ERGIC1: variants seen among roughly 807,000 people sequenced by gnomAD.
The protein encoded by ERGIC1 is endoplasmic reticulum-golgi intermediate compartment 1.
A neutral mutation model predicts 38.3 loss-of-function variants in ERGIC1; 19 were observed. That is an observed-to-expected ratio of 0.50 (90% confidence interval 0.35 to 0.73). The LOEUF is 0.73. Ranked by LOEUF, ERGIC1 falls within the 30% of genes least tolerant of loss-of-function variation. The probability of loss-of-function intolerance (pLI) is 0.01; values close to 1 mark genes in which losing one functional copy is unlikely to be tolerated. For missense variants in ERGIC1, 294 were observed against 389.2 expected, an observed-to-expected ratio of 0.76 and a Z score of 2.06; for synonymous variants, 124 against 157.6, an observed-to-expected ratio of 0.79 and a Z score of 1.60.
intron 7 of ERGIC1, among the ~76,000 whole-genome samples, chr5:172,930,444 G>A (rs908728616): frequency 9.2e-5 from 14 of 151,764 alleles, no homozygotes; most frequent in Admixed American, 3.3e-4. Flanking sequence ...CCGGGTTCAA[G>A]CGATTCTCCT....
chr5:172,931,120 C>T (rs1419495174), intron 7 of ERGIC1: 1 of 152,142 alleles, frequency 6.6e-6, no homozygotes, highest in African/African-American at 2.4e-5. Flanking sequence ...ACTCTGCGAC[C>T]AGGCTTAGAA....
rs142163543 is a variant in ERGIC1, at chr5:172,870,684, A to C, written c.21-18015A>C. 1.4e-3 allele frequency among the ~76,000 whole-genome samples: 210 copies of C among 152,360 alleles called. 1 individual carries two copies. The highest frequency in any genetic ancestry group is 6.8e-3 in the Middle Eastern group (2 of 294). On this transcript the variant is annotated intron_variant, in intron 1 of 9. Coordinates refer to ENST00000393784, the MANE Select transcript of ERGIC1 (RefSeq NM_001031711.3). ...GCCATGAACTGTTGAAGAAAGCACA[A>C]GTTGAGGCAGATATGGGAAATTTAG...
intron 1 of ERGIC1, among the ~76,000 whole-genome samples, chr5:172,851,592 G>A (rs1267469650): frequency 1.3e-5 from 2 of 152,234 alleles, no homozygotes; most frequent in Non-Finnish European, 2.9e-5. Context: ...GCTGTTGCTG[G>A]GCAGACCTCT....
chr5:172,950,054 CAGAAAA>C (rs1480918092), intron 9 of ERGIC1, among the ~76,000 whole-genome samples: 2 of 151,840 alleles, frequency 1.3e-5, no homozygotes, highest in Non-Finnish European at 2.9e-5. Flanking sequence ...GCCTGGAAGA[CAGAAAA>C]AAAAGAAAAA....
intron 9 of ERGIC1, among the ~76,000 whole-genome samples, chr5:172,944,939 G>A (rs72814111): frequency 0.038 from 5,814 of 152,238 alleles, 214 homozygotes; most frequent in Non-Finnish European, 0.05. Context: ...CACCTTTGCC[G>A]CTGCCTTGGG....
chr5:172,926,553 C>A lies in ERGIC1; in HGVS notation c.525C>A (p.Asp175Glu). 1.2e-6 allele frequency: 2 copies of A among 1,612,904 alleles called. No homozygotes were observed. Among genetic ancestry groups the A allele is most frequent in the Non-Finnish European group, 1.7e-6 (2 of 1,179,980 alleles). Residue 175 changes from aspartate to glutamate, a missense_variant, in exon 7 of 10, where the codon GAC (aspartate) becomes GAA (glutamate). Physicochemically the swap from Asp to Glu is conservative, Grantham distance 45 (BLOSUM62 2). This residue lies in a region of ERGIC1 where 109 missense variants were observed against 112.7 expected (regional missense o/e 0.97). Coordinates refer to ENST00000393784, the MANE Select transcript of ERGIC1 (RefSeq NM_001031711.3). This position sits in a 1 kb window ranked among gnomAD's most constrained non-coding sequence, Gnocchi z 5.2. ...HGAFNALGGA[D>E]RLTSNPLASH... is the part of the protein sequence containing the mutation. ...CTTTCAATGCTCTCGGGGGAGCAGA[C>A]AGACTCACCTCCAACCGTATGTATC...
intron 1 of ERGIC1, among the ~76,000 whole-genome samples, chr5:172,862,266 C>T (rs994876818): frequency 8.3e-6 from 1 of 120,584 alleles, no homozygotes; most frequent in African/African-American, 3.2e-5. Flanking sequence ...GGATTACAGG[C>T]GTGAGCCACC....
chr5:172,854,552 A>G (rs1410223758), intron 1 of ERGIC1, among the ~76,000 whole-genome samples: 1 of 152,158 alleles, frequency 6.6e-6, no homozygotes, highest in African/African-American at 2.4e-5. Context: ...CCACATCCCA[A>G]ACCTGTGCCT....
At chr5:172,890,088 T>G (rs1762519576) in intron 2 of ERGIC1, among the ~76,000 whole-genome samples, 1 of 152,076 alleles carries the variant, frequency 6.6e-6, no homozygotes, top group Non-Finnish European at 1.5e-5. Context: ...CAAGTGCCAG[T>G]GAGGAACCAA....
chr5:172,868,797 G>T (rs1761935067), intron 1 of ERGIC1, among the ~76,000 whole-genome samples: 1 of 152,208 alleles, frequency 6.6e-6, no homozygotes, highest in Admixed American at 6.5e-5. Flanking sequence ...CATGTGTGGG[G>T]ACAGGCAGGA....
intron 1 of ERGIC1, among the ~76,000 whole-genome samples, chr5:172,843,273 C>T (rs898585645): frequency 2.6e-5 from 4 of 152,166 alleles, no homozygotes; most frequent in South Asian, 2.1e-4. Flanking sequence ...TCTGTAGTTG[C>T]GTTTTCACTC....
chr5:172,840,099 C>T (rs1296299532), intron 1 of ERGIC1, among the ~76,000 whole-genome samples: 1 of 152,182 alleles, frequency 6.6e-6, no homozygotes, highest in Non-Finnish European at 1.5e-5. Context: ...CTGAAATGGT[C>T]TTTAAAGACC....
At chr5:172,935,027 A>G (rs1436054214) in intron 8 of ERGIC1, 161 bp from the exon 9 acceptor site, 1 of 1,038,012 alleles carries the variant, frequency 9.6e-7, no homozygotes, top group Non-Finnish European at 1.4e-6. Flanking sequence ...CAGGGCCTCC[A>G]GGGGAAGGGA....
chr5:172,940,964 G>A (rs1158668962), intron 9 of ERGIC1, among the ~76,000 whole-genome samples: 1 of 152,256 alleles, frequency 6.6e-6, no homozygotes, highest in Non-Finnish European at 1.5e-5. Flanking sequence ...AAATGTGTAA[G>A]AGGCAGCTGC....
At chr5:172,877,416 G>A (rs1581533662) in intron 1 of ERGIC1, among the ~76,000 whole-genome samples, 1 of 116,926 alleles carries the variant, frequency 8.6e-6, no homozygotes, top group Admixed American at 8.6e-5. Context: ...ATATATGTGT[G>A]TGTGTGTGTG....
rs757931584 is a variant in ERGIC1, at chr5:172,935,288, C to T, written c.743C>T (p.Pro248Leu). ...ITVKYTERRQPLYRFITTICA... is the reference protein window; with the variant it reads ...ITVKYTERRQLLYRFITTICA... Reference sequence around the variant, plus strand: ...GTCAAGTACACAGAGAGACGGCAGCCGCTGTACAGATTCATCACCACGGTG... The same window carrying T: ...GTCAAGTACACAGAGAGACGGCAGCTGCTGTACAGATTCATCACCACGGTG... The change falls in exon 9 of 10, where the codon CCG becomes CTG. Residue 248 changes from proline (P) to leucine (L), a missense_variant. Around this residue, in one of 3 missense-constraint regions of ERGIC1, gnomAD observed 109 missense variants for 112.7 expected, o/e 0.97. Coordinates refer to ENST00000393784, the MANE Select transcript of ERGIC1 (RefSeq NM_001031711.3). The T allele has an allele frequency of 6.2e-6, 10 of 1,614,016 alleles. No individual in the cohort carries two copies. Among genetic ancestry groups the T allele is most frequent in the African/African-American group, 2.7e-5 (2 of 74,924 alleles).
chr5:172,865,780 C>T (rs368848168), intron 1 of ERGIC1, among the ~76,000 whole-genome samples: 26 of 152,294 alleles, frequency 1.7e-4, no homozygotes, highest in African/African-American at 5.8e-4. Context: ...TTCATGTGGT[C>T]GGATCAGTGC....
intron 3 of ERGIC1, among the ~76,000 whole-genome samples, chr5:172,907,034 C>T (rs1375748421): frequency 6.6e-6 from 1 of 152,188 alleles, no homozygotes; most frequent in African/African-American, 2.4e-5. Flanking sequence ...GCATTCCCCC[C>T]TCACCTCACC....
At chr5:172,946,379 C>G (rs1398351971) in intron 9 of ERGIC1, among the ~76,000 whole-genome samples, 1 of 152,226 alleles carries the variant, frequency 6.6e-6, no homozygotes. Context: ...CAGCGGCACC[C>G]CTGCCCTCCC....
Sources: gnomAD v4.1 joint callset for allele counts (sites outside exome capture counted in the v4.1 genomes callset) on GRCh38, gnomAD v4.1.1 for gene constraint, gnomAD v4.1.1 regional missense constraint, Gnocchi (gnomAD v3.1) non-coding constraint, MANE v1.5 for transcripts, NCBI Gene and HGNC (gene_info 2026-07-23, HGNC 2026-07-21) for gene names.